Variants in MSRB3 observed in about 807,000 individuals in gnomAD.
The protein encoded by MSRB3 is methionine sulfoxide reductase B3.
A neutral mutation model predicts 21.0 loss-of-function variants in MSRB3; 13 were observed. The observed-to-expected ratio is 0.62, with a 90% CI of 0.40 to 0.98. The LOEUF is 0.98. Among genes scored for constraint, MSRB3 ranks in the 50% least tolerant of loss-of-function variants. The probability of loss-of-function intolerance (pLI) is 0.00; values close to 1 mark genes in which losing one functional copy is unlikely to be tolerated. For missense variants in MSRB3, 199 were observed against 230.3 expected, an observed-to-expected ratio of 0.86 and a Z score of 0.88; for synonymous variants, 87 against 88.6, an observed-to-expected ratio of 0.98 and a Z score of 0.10.
At chr12:65,351,011 T>C (rs1876944066) in intron 4 of MSRB3, among the ~76,000 whole-genome samples, 1 of 151,210 alleles carries the variant, frequency 6.6e-6, no homozygotes, top group Non-Finnish European at 1.5e-5. Flanking sequence ...GAATATACAT[T>C]TTTTTCAGCA....
chr12:65,448,798 T>A (rs1421828646), intron 5 of MSRB3, among the ~76,000 whole-genome samples: 2 of 152,190 alleles, frequency 1.3e-5, no homozygotes, highest in African/African-American at 4.8e-5. Flanking sequence ...AGCACATTTT[T>A]AAAGAAACAG....
intron 5 of MSRB3, among the ~76,000 whole-genome samples, chr12:65,434,451 A>G (rs1466586989): frequency 3.3e-5 from 5 of 152,004 alleles, no homozygotes; most frequent in Admixed American, 2.0e-4. Flanking sequence ...AATATGAACT[A>G]TCACCAAGTA....
intron 5 of MSRB3, among the ~76,000 whole-genome samples, chr12:65,405,637 T>A (rs1012914768): frequency 1.3e-5 from 2 of 152,254 alleles, no homozygotes; most frequent in South Asian, 4.1e-4. Flanking sequence ...ATATGGTAGT[T>A]GTTTTTTATT....
At chr12:65,318,641 G>C (rs1471151286) in intron 2 of MSRB3, among the ~76,000 whole-genome samples, 1 of 152,122 alleles carries the variant, frequency 6.6e-6, no homozygotes, top group Non-Finnish European at 1.5e-5. Context: ...CTCTTCCACT[G>C]TTGTCACTTG....
intron 4 of MSRB3, among the ~76,000 whole-genome samples, chr12:65,356,715 A>G (rs1300311941): frequency 1.3e-5 from 2 of 151,962 alleles, no homozygotes; most frequent in Non-Finnish European, 2.9e-5. Flanking sequence ...AGGATTAGCT[A>G]GAGAACTTAA....
chr12:65,301,148 T>C (rs1873307612), intron 1 of MSRB3, among the ~76,000 whole-genome samples: 1 of 152,082 alleles, frequency 6.6e-6, no homozygotes, highest in African/African-American at 2.4e-5. Context: ...TGCTCAAAAA[T>C]GATTATTGTT....
chr12:65,417,503 A>G (rs1370168968), intron 5 of MSRB3, among the ~76,000 whole-genome samples: 1 of 152,136 alleles, frequency 6.6e-6, no homozygotes, highest in Non-Finnish European at 1.5e-5. Flanking sequence ...TTTGGTGAAA[A>G]TACTTAAAAT....
At chr12:65,434,039 C>T (rs1017882981) in intron 5 of MSRB3, among the ~76,000 whole-genome samples, 3 of 151,960 alleles carry the variant, frequency 2.0e-5, no homozygotes, top group Non-Finnish European at 4.4e-5. Context: ...ACAAATTACC[C>T]TTGCAGCAGT....
intron 5 of MSRB3, among the ~76,000 whole-genome samples, chr12:65,451,496 C>G (rs959371788): frequency 6.6e-6 from 1 of 152,100 alleles, no homozygotes; most frequent in East Asian, 1.9e-4. Context: ...AGAAGAGAGT[C>G]CTAAAGTCAG....
chr12:65,463,775 T>A lies in MSRB3; in HGVS notation c.*453T>A, dbSNP rs7316024. ...TTGCACAGACCCACCTAAGATAAGG[T>A]TGGAGTGATGTTTTAATGAGACTGT... On this transcript the variant is annotated 3_prime_UTR_variant, in exon 7 of 7. Coordinates refer to ENST00000308259, the MANE Select transcript of MSRB3 (RefSeq NM_001031679.3). 64,659 of 166,850 alleles carry A rather than the reference T, an allele frequency of 0.39. 13,015 individuals carry two copies. Among genetic ancestry groups the A allele is most frequent in the Middle Eastern group, 0.51 (163 of 318 alleles). The allele number at this position is 166,850 out of a possible 1,614,324, so 10.3% of individuals were successfully genotyped here. A position where few individuals can be genotyped will look rare whatever the true frequency, so the allele number is the denominator to read the frequency against.
chr12:65,403,073 G>A (rs1025780681), intron 5 of MSRB3, among the ~76,000 whole-genome samples: 1 of 152,200 alleles, frequency 6.6e-6, no homozygotes, highest in Non-Finnish European at 1.5e-5. Context: ...CAGTCAGGAG[G>A]CACAGAGTTC....
At chr12:65,427,664 GC>G (rs1881669219) in intron 5 of MSRB3, among the ~76,000 whole-genome samples, 2 of 152,148 alleles carry the variant, frequency 1.3e-5, no homozygotes, top group Admixed American at 1.3e-4. Flanking sequence ...GGGTGTAATG[GC>G]ACTAGTGTCC....
chr12:65,414,236 A>C (rs1446485601), intron 5 of MSRB3, among the ~76,000 whole-genome samples: 1 of 152,150 alleles, frequency 6.6e-6, no homozygotes, highest in Admixed American at 6.6e-5. Flanking sequence ...CTACATATGA[A>C]AGCATAGAGA....
chr12:65,307,113 A>G (rs751358207), intron 1 of MSRB3: 284 of 883,922 alleles, frequency 3.2e-4, no homozygotes, highest in Non-Finnish European at 3.5e-4. Context: ...GTTGTGAGGT[A>G]TAGACCTTTG....
chr12:65,351,297 G>T (rs1357348533), intron 4 of MSRB3, among the ~76,000 whole-genome samples: 1 of 148,812 alleles, frequency 6.7e-6, no homozygotes, highest in Admixed American at 6.6e-5. Context: ...AGAATCTCTG[G>T]GACACATTCA....
At chr12:65,299,305 A>T (rs1407581106) in intron 1 of MSRB3, among the ~76,000 whole-genome samples, 1 of 152,208 alleles carries the variant, frequency 6.6e-6, no homozygotes, top group Non-Finnish European at 1.5e-5. Context: ...AAGAGATTAC[A>T]AGTGGAGCAA....
intron 5 of MSRB3, among the ~76,000 whole-genome samples, chr12:65,433,149 A>G (rs950294112): frequency 1.3e-5 from 2 of 151,912 alleles, no homozygotes; most frequent in Non-Finnish European, 2.9e-5. Context: ...GAAAGCAGAG[A>G]CTCAAACAAG....
chr12:65,393,624 C>T (rs939614444), intron 5 of MSRB3, among the ~76,000 whole-genome samples: 235 of 102,414 alleles, frequency 2.3e-3, no homozygotes, highest in African/African-American at 9.2e-3. Context: ...GAGCGAGACT[C>T]CGTCGCAAAA....
intron 1 of MSRB3, among the ~76,000 whole-genome samples, chr12:65,301,645 G>A (rs1456229841): frequency 1.3e-5 from 2 of 152,158 alleles, no homozygotes; most frequent in African/African-American, 4.8e-5. Context: ...CATTCAAAAC[G>A]CAAGATAGAC....
Sources: gnomAD v4.1 joint callset for allele counts (sites outside exome capture counted in the v4.1 genomes callset) on GRCh38, gnomAD v4.1.1 for gene constraint, MANE v1.5 for transcripts, NCBI Gene and HGNC (gene_info 2026-07-23, HGNC 2026-07-21) for gene names.